SCN10A: variants seen among roughly 807,000 people sequenced by gnomAD.
SCN10A encodes sodium voltage-gated channel alpha subunit 10.
A neutral mutation model predicts 170.7 loss-of-function variants in SCN10A; 162 were observed. That is an observed-to-expected ratio of 0.95 (90% CI 0.84 to 1.08). The LOEUF (loss-of-function observed/expected upper bound fraction) is 1.08, where lower values mean the gene tolerates loss of function less well. Among genes scored for constraint, SCN10A ranks in the 50% least tolerant of loss-of-function variants. SCN10A has a pLI of 0.00. For synonymous variants in SCN10A, 985 were observed against 904.6 expected, an observed-to-expected ratio of 1.09 and a Z score of -1.59; for missense variants, 2,527 against 2,436.9, an observed-to-expected ratio of 1.04 and a Z score of -0.78.
At chr3:38,704,880 A>G (rs2063193659) in intron 26 of SCN10A, among the ~76,000 whole-genome samples, 1 of 152,202 alleles carries the variant, frequency 6.6e-6, no homozygotes, top group South Asian at 2.1e-4. Flanking sequence ...GAGAAGGTGG[A>G]CATTCCAGGG....
intron 15 of SCN10A, among the ~76,000 whole-genome samples, chr3:38,735,060 C>T (rs997449842): frequency 3.3e-5 from 5 of 151,238 alleles, no homozygotes; most frequent in African/African-American, 1.2e-4. Flanking sequence ...GTCCCAGCTA[C>T]TCAGGAGGCT....
chr3:38,710,803 C>T (rs2063265135), intron 24 of SCN10A, 41 bp downstream of exon 24: 2 of 1,586,396 alleles, frequency 1.3e-6, no homozygotes, highest in South Asian at 2.2e-5. Context: ...GGGTAGAATG[C>T]ACAGAGGGGA....
chr3:38,736,236 G>A (rs553823792), intron 15 of SCN10A, among the ~76,000 whole-genome samples: 95 of 152,296 alleles, frequency 6.2e-4, no homozygotes, highest in Admixed American at 1.0e-3. Flanking sequence ...GGCAGGTCCT[G>A]ATTATGCAGA....
At chr3:38,813,175 T>C (rs1279807280) in intron 1 of SCN10A, among the ~76,000 whole-genome samples, 1 of 152,194 alleles carries the variant, frequency 6.6e-6, no homozygotes, top group East Asian at 1.9e-4. Flanking sequence ...CTATTCCACC[T>C]TATCTCCCAA....
chr3:38,763,122 G>A (rs1179542438), intron 6 of SCN10A, among the ~76,000 whole-genome samples: 3 of 152,206 alleles, frequency 2.0e-5, no homozygotes, highest in Non-Finnish European at 4.4e-5. Context: ...TACTGGGACT[G>A]CTTTCTCCCT....
At chr3:38,752,191 A>G (rs1195798135) in intron 12 of SCN10A, 28 bp downstream of exon 12, 2 of 1,476,956 alleles carry the variant, frequency 1.4e-6, no homozygotes, top group African/African-American at 2.9e-5. Flanking sequence ...AGACAGCCTG[A>G]GGGAGTCTGA....
intron 2 of SCN10A, among the ~76,000 whole-genome samples, chr3:38,793,146 A>T (rs2064305685): frequency 6.6e-6 from 1 of 152,138 alleles, no homozygotes; most frequent in African/African-American, 2.4e-5. Context: ...ACGGGAATAT[A>T]CAGGCACACA....
intron 1 of SCN10A, among the ~76,000 whole-genome samples, chr3:38,808,017 C>A (rs557022377): frequency 6.6e-6 from 1 of 152,142 alleles, no homozygotes; most frequent in African/African-American, 2.4e-5. Context: ...TCTGATGATA[C>A]CTTTCAAAGG....
Position 38,723,079 on chromosome 3 carries a change from G to T in SCN10A, c.3352+351C>A, listed in dbSNP as rs534163838. ...AGCAGATACATCATGGCCTTCCTCTGGGTCCTTCATGGTCCAAATCAAGAG... is the reference window on the plus strand; with the variant it reads ...AGCAGATACATCATGGCCTTCCTCTTGGTCCTTCATGGTCCAAATCAAGAG... On this transcript the variant is annotated intron_variant, in intron 19 of 27. Transcript: ENST00000449082. Among the ~76,000 whole-genome samples the T allele has an allele frequency of 1.4e-4, 22 of 152,226 alleles. No homozygotes were observed. In the East Asian group the frequency reaches 4.1e-3, roughly 28 times the overall value.
chr3:38,728,429 A>G, intron 16 of SCN10A, 113 bp downstream of exon 16: 1 of 1,218,678 alleles, frequency 8.2e-7, no homozygotes, highest in Non-Finnish European at 1.1e-6. Context: ...AAGACTTTTC[A>G]ACCAGAGAAG....
intron 16 of SCN10A, among the ~76,000 whole-genome samples, 188 bp from the exon 17 acceptor site, chr3:38,727,240 G>A (rs1431701994): frequency 1.3e-5 from 2 of 152,220 alleles, no homozygotes; most frequent in African/African-American, 4.8e-5. Flanking sequence ...GGATGTCCTG[G>A]AGTGACCCGC....
Position 38,749,757 on chromosome 3 carries a change from G to T in SCN10A, c.1867+316C>A, listed in dbSNP as rs543659591. ...TAAATTTCTTGTACACCGGAGAGCT[G>T]GCCTGAAATTCTCTGATGCCTGCCA... On this transcript the variant is annotated intron_variant, in intron 13 of 27. Transcript: ENST00000449082. 2.0e-5 allele frequency among the ~76,000 whole-genome samples: 3 copies of T among 152,278 alleles called. No homozygotes were observed. The East Asian group carries it at 5.8e-4, about 29-fold the overall frequency.
In SCN10A at chr3:38,756,731, A is replaced by T. The variant is rs144482572; in HGVS notation, c.1233T>A (p.Ile411=). The T allele has an allele frequency of 9.9e-6, 16 of 1,614,134 alleles. No homozygotes were observed. In the African/African-American group the frequency reaches 1.6e-4, roughly 16 times the overall value. ...EEQNQATTDE[I]EAKEKKFQEA... The stretch of plus-strand genomic sequence containing the variant: ...CCTGGAACTTCTTCTCCTTTGCTTC[A>T]ATTTCATCAGTGGTTGCCTGGTTCT... Residue 411 remains isoleucine, a synonymous_variant, in exon 10 of 28, where the codon ATT becomes ATA. Coordinates refer to ENST00000449082, the MANE Select transcript of SCN10A (RefSeq NM_006514.4).
In SCN10A at chr3:38,718,834, GAAGA is replaced by G. The variant is rs1331548854; in HGVS notation, c.3508-12_3508-9del. 6.2e-7 allele frequency: 1 copy of G among 1,613,322 alleles called. No homozygotes were observed. The highest frequency in any genetic ancestry group is 1.3e-5 in the African/African-American group (1 of 74,900). ...GTAATAGTCTTCAAAGGCCTGGAAG[GAAGA>G]AAGGATGCAGAATGGCAGGCTGCCT... On this transcript the variant is annotated splice_polypyrimidine_tract_variant and intron_variant, in intron 20 of 27. Transcript: ENST00000449082.
intron 1 of SCN10A, among the ~76,000 whole-genome samples, chr3:38,800,510 C>T (rs2064364658): frequency 6.6e-6 from 1 of 152,194 alleles, no homozygotes; most frequent in Non-Finnish European, 1.5e-5. Flanking sequence ...ATGATCTACT[C>T]CCACAGTCTT....
chr3:38,805,729 A>T (rs535062735), intron 1 of SCN10A, among the ~76,000 whole-genome samples: 9 of 152,300 alleles, frequency 5.9e-5, no homozygotes, highest in African/African-American at 1.7e-4. Context: ...GATCCTGCCC[A>T]GTCCTTCGAG....
At position 38,722,248 on chromosome 3, in the gene SCN10A, C is replaced by T. The variant is rs767411176; in HGVS notation, c.3507+10G>A. On this transcript the variant is annotated intron_variant, in intron 20 of 27. Transcript: ENST00000449082. ...GAGGATTTGGGGGCAGGGACTATGC[C>T]TCCCCTTACCAGAGATCCACTGCTG... 3 of 1,612,216 alleles carry T rather than the reference C, an allele frequency of 1.9e-6. No individual in the cohort carries two copies. Among genetic ancestry groups the T allele is most frequent in the African/African-American group, 1.3e-5 (1 of 75,006 alleles).
intron 15 of SCN10A, among the ~76,000 whole-genome samples, chr3:38,737,813 TTTCTTTCTTTCTTTCTTTCTCTTTC>T (rs1156320592): frequency 8.1e-6 from 1 of 122,868 alleles, no homozygotes; most frequent in Non-Finnish European, 1.6e-5. Flanking sequence ...TCTTTCTTTC[TTTCTTTCTTTCTTTCTTTCTCTTTC>T]TTCTTTCTTT....
Position 38,697,251 on chromosome 3 carries a change from G to T in SCN10A, c.*98C>A, listed in dbSNP as rs960283820. The T allele has an allele frequency of 6.5e-6, 10 of 1,532,402 alleles. No homozygotes were observed. The highest frequency in any genetic ancestry group is 2.3e-4 in the Middle Eastern group (1 of 4,324). 94.9% of individuals were successfully genotyped at this position (1,532,402 alleles called of 1,614,324 possible). On this transcript the variant is annotated 3_prime_UTR_variant, in exon 28 of 28. Coordinates refer to ENST00000449082, the MANE Select transcript of SCN10A (RefSeq NM_006514.4). ...GACATTGTGACCAGTGGCATGCATT[G>T]GTGAGGCTGTAGCTGGGTGTGATCT... is the stretch of plus-strand genomic sequence containing the variant.
Sources: gnomAD v4.1 joint callset for allele counts (sites outside exome capture counted in the v4.1 genomes callset) on GRCh38, gnomAD v4.1.1 for gene constraint, MANE v1.5 for transcripts, NCBI Gene and HGNC (gene_info 2026-07-23, HGNC 2026-07-21) for gene names.